The following SPAG1 variants were observed in gnomAD, a reference collection of about 807,000 sequenced individuals.
SPAG1 encodes the protein sperm associated antigen 1.
Under a neutral mutation model 100.5 loss-of-function variants are expected in SPAG1, and 69 were observed. The ratio of observed to expected loss-of-function variants is 0.69; its 90% CI spans 0.57 to 0.84. SPAG1 has a LOEUF of 0.84. Ranked by LOEUF, SPAG1 falls within the 40% of genes least tolerant of loss-of-function variation. The pLI is 0.00. For synonymous variants in SPAG1, 336 were observed against 411.6 expected (o/e 0.82, Z 2.22); for missense variants, 955 against 1,133.1 (o/e 0.84, Z 2.26).
intron 6 of SPAG1, 110 bp from the exon 7 acceptor site, chr8:100,184,518 T>C (rs1401702655): frequency 3.7e-6 from 2 of 544,752 alleles, no homozygotes; most frequent in African/African-American, 2.0e-5. Flanking sequence ...GTTTATTTTA[T>C]GATCTTTCTG....
At chr8:100,227,230 T>C (rs1172769311) in intron 14 of SPAG1, among the ~76,000 whole-genome samples, 1 of 152,246 alleles carries the variant, frequency 6.6e-6, no homozygotes. Context: ...TTAAAAAATT[T>C]GTATTCCCTT....
rs72677936 is a variant in SPAG1 at position 100,229,717 on chromosome 8, T to C, written c.1856-1439T>C. ...TGAGCAGGGTATCAGCCATGTTCAC[T>C]GCAAGATAATAGGGATAGTGTGTAA... On this transcript the variant is annotated intron_variant, in intron 14 of 18. Coordinates refer to ENST00000388798, the MANE Select transcript of SPAG1 (RefSeq NM_003114.5). 1.2e-3 allele frequency among the ~76,000 whole-genome samples: 186 copies of C among 152,374 alleles called. 2 individuals are homozygous for C. The highest frequency in any genetic ancestry group is 3.5e-3 in the Admixed American group (54 of 15,308).
rs765736807 is a variant in SPAG1, at chr8:100,213,831, C to A, written c.1448C>A (p.Ala483Glu). The change falls in exon 12 of 19, where the codon GCA (alanine) becomes GAA (glutamate). Residue 483 changes from alanine (A) to glutamate (E), a missense_variant. Physicochemically the swap from Ala to Glu is moderately radical, Grantham distance 107 (BLOSUM62 -1). Coordinates refer to ENST00000388798, the MANE Select transcript of SPAG1 (RefSeq NM_003114.5). ...ALLEPAGSEI[A>E]DDLSILYSNR... Reference sequence around the variant, plus strand: ...ATGTGATTTTTAGGAAGTGAAATTGCAGATGATCTAAGTATCTTATATTCA... The same window carrying A: ...ATGTGATTTTTAGGAAGTGAAATTGAAGATGATCTAAGTATCTTATATTCA... 6.4e-7 allele frequency: 1 copy of A among 1,569,820 alleles called. No homozygotes were observed.
intron 10 of SPAG1, among the ~76,000 whole-genome samples, chr8:100,196,725 T>G (rs1817047421): frequency 6.6e-6 from 1 of 152,148 alleles, no homozygotes; most frequent in Non-Finnish European, 1.5e-5. Flanking sequence ...TGGACTGTGC[T>G]TTTAATGTTA....
At chr8:100,237,076 T>C (rs1003443786) in intron 16 of SPAG1, among the ~76,000 whole-genome samples, 2 of 152,096 alleles carry the variant, frequency 1.3e-5, no homozygotes, top group Non-Finnish European at 2.9e-5. Flanking sequence ...GTTGTTGTTA[T>C]TGTTTGTTAT....
At chr8:100,212,998 T>G (rs1406516588) in intron 10 of SPAG1, 92 bp from the exon 11 acceptor site, 5 of 1,075,198 alleles carry the variant, frequency 4.7e-6, no homozygotes, top group Non-Finnish European at 6.0e-6. Flanking sequence ...GAGCCCGCCC[T>G]CCGCGTCCTG....
chr8:100,186,797 G>A (rs1025617503), intron 7 of SPAG1, among the ~76,000 whole-genome samples: 1 of 152,036 alleles, frequency 6.6e-6, no homozygotes, highest in African/African-American at 2.4e-5. Flanking sequence ...GCTTGTAGGT[G>A]GCCGTCTTCT....
At chr8:100,240,008 T>G (rs1819183995) in intron 17 of SPAG1, among the ~76,000 whole-genome samples, 1 of 152,156 alleles carries the variant, frequency 6.6e-6, no homozygotes, top group Non-Finnish European at 1.5e-5. Flanking sequence ...GGCTAATATG[T>G]AAGAGAAGCT....
At chr8:100,168,685 A>ACCTTTTTTTTTTTTTTTTTTTTT (rs1815675141) in intron 3 of SPAG1, among the ~76,000 whole-genome samples, 4 of 55,378 alleles carry the variant, frequency 7.2e-5, no homozygotes, top group African/African-American at 3.6e-4. Flanking sequence ...ATGCCCAGCC[A>ACCTTTTTTTTTTTTTTTTTTTTT]TCTTTTTTTT....
chr8:100,194,353 T>C (rs1816940383), intron 10 of SPAG1, 85 bp downstream of exon 10: 1 of 1,541,008 alleles, frequency 6.5e-7, no homozygotes, highest in Non-Finnish European at 8.8e-7. Context: ...CGTACAGAAA[T>C]TCGTAATCTA....
chr8:100,196,086 A>C lies in SPAG1; in HGVS notation c.1096+1818A>C, dbSNP rs899089259. Among the ~76,000 whole-genome samples, 47 of 152,190 alleles carry C rather than the reference A, an allele frequency of 3.1e-4. 1 individual carries two copies. The highest frequency in any genetic ancestry group is 8.8e-5 in the Non-Finnish European group (6 of 68,030). ...CCTTTTTACTGCTGAGTAGCATTCCATTAATAGTTGTACCAAAGTTTATAC... is the reference window on the plus strand; with the variant it reads ...CCTTTTTACTGCTGAGTAGCATTCCCTTAATAGTTGTACCAAAGTTTATAC... On this transcript the variant is annotated intron_variant, in intron 10 of 18. Coordinates refer to ENST00000388798, the MANE Select transcript of SPAG1 (RefSeq NM_003114.5).
In SPAG1 at chr8:100,240,939, C is replaced by T; in HGVS notation, c.2698C>T (p.Leu900=). 6.2e-7 allele frequency: 1 copy of T among 1,611,968 alleles called. No homozygotes were observed. Among genetic ancestry groups the T allele is most frequent in the South Asian group, 1.1e-5 (1 of 90,938 alleles). Residue 900 remains leucine (L), a synonymous_variant, in exon 19 of 19, where the codon CTG becomes TTG. Transcript: ENST00000388798. Reference sequence around the variant, plus strand: ...GGGCCAAAAGGAGCTAATTGAACAGCTGTTTGAGGACCTTTCGGACACACC... The same window carrying T: ...GGGCCAAAAGGAGCTAATTGAACAGTTGTTTGAGGACCTTTCGGACACACC... ...SKGQKELIEQ[L]FEDLSDTPNN...
intron 10 of SPAG1, among the ~76,000 whole-genome samples, chr8:100,202,188 C>A (rs922154491): frequency 1.3e-5 from 2 of 152,048 alleles, no homozygotes; most frequent in African/African-American, 4.8e-5. Context: ...TCACAGAAGT[C>A]TTCTATGTTG....
At chr8:100,189,546 T>G (rs1816729656) in intron 8 of SPAG1, among the ~76,000 whole-genome samples, 1 of 152,062 alleles carries the variant, frequency 6.6e-6, no homozygotes, top group African/African-American at 2.4e-5. Context: ...TCCCAGCTAC[T>G]TGGGAGGCCG....
At chr8:100,220,710 A>G (rs1262100933) in intron 13 of SPAG1, among the ~76,000 whole-genome samples, 7 of 152,170 alleles carry the variant, frequency 4.6e-5, no homozygotes, top group Admixed American at 4.6e-4. Context: ...TTAGTAACAC[A>G]GGATATAACT....
chr8:100,213,048 C>T, intron 10 of SPAG1, 42 bp from the exon 11 acceptor site: 2 of 1,305,132 alleles, frequency 1.5e-6, no homozygotes, highest in Non-Finnish European at 9.9e-7. Context: ...CAACTGCTCC[C>T]GGTGATGCAA....
chr8:100,175,184 T>C (rs1298950770), intron 3 of SPAG1, among the ~76,000 whole-genome samples: 2 of 152,024 alleles, frequency 1.3e-5, no homozygotes, highest in African/African-American at 4.8e-5. Flanking sequence ...TGATGGCATC[T>C]TCAATGGTGT....
intron 7 of SPAG1, 150 bp downstream of exon 7, chr8:100,184,883 T>G (rs1440577476): frequency 1.7e-6 from 1 of 576,926 alleles, no homozygotes; most frequent in Non-Finnish European, 3.0e-6. Context: ...GTGTTTCTCC[T>G]ATTTTTTCAA....
chr8:100,171,683 G>GT (rs1032884949), intron 3 of SPAG1, among the ~76,000 whole-genome samples: 1 of 152,096 alleles, frequency 6.6e-6, no homozygotes, highest in Admixed American at 6.5e-5. Flanking sequence ...TACTTTTCCT[G>GT]TGCTGCAGCC....
Sources: allele counts gnomAD v4.1 joint callset (sites outside exome capture counted in the v4.1 genomes callset), GRCh38; gene constraint gnomAD v4.1.1; transcripts MANE v1.5; gene names NCBI Gene and HGNC (gene_info 2026-07-23, HGNC 2026-07-21).